Variants in MYT1L observed in about 807,000 individuals in gnomAD.
MYT1L encodes the protein myelin transcription factor 1-like protein.
A neutral mutation model predicts 126.7 loss-of-function variants in MYT1L; 12 were observed. The ratio of observed to expected loss-of-function variants is 0.09; its 90% CI spans 0.06 to 0.15. The LOEUF (loss-of-function observed/expected upper bound fraction) is 0.15, where lower values mean the gene tolerates loss of function less well. Ranked by LOEUF, MYT1L falls within the 10% of genes least tolerant of loss-of-function variation. The pLI, the probability that MYT1L is intolerant of heterozygous loss-of-function variation, is 1.00. For synonymous variants in MYT1L, 541 were observed against 604.2 expected, an observed-to-expected ratio of 0.90 and a Z score of 1.53; for missense variants, 979 against 1,585.2, an observed-to-expected ratio of 0.62 and a Z score of 6.49.
intron 19 of MYT1L, among the ~76,000 whole-genome samples, chr2:1,846,658 G>A (rs2042535875): frequency 1.3e-5 from 2 of 152,224 alleles, no homozygotes; most frequent in East Asian, 1.9e-4. Flanking sequence ...GGCCAAAGTG[G>A]TGCTAGGGTG....
chr2:1,994,220 G>A (rs183914907), intron 5 of MYT1L, among the ~76,000 whole-genome samples: 6 of 152,270 alleles, frequency 3.9e-5, no homozygotes, highest in East Asian at 1.9e-4. Flanking sequence ...AGCCCCTGAC[G>A]GGCCTGTTCC....
intron 2 of MYT1L, among the ~76,000 whole-genome samples, chr2:2,219,239 C>T (rs900039830): frequency 6.6e-6 from 1 of 152,138 alleles, no homozygotes; most frequent in African/African-American, 2.4e-5. Context: ...TCCATTTAGT[C>T]AACGGCTAAT....
Position 2,178,129 on chromosome 2 carries a change from C to G in MYT1L, c.-420-5141G>C, listed in dbSNP as rs1397457934. 2.0e-4 allele frequency among the ~76,000 whole-genome samples: 31 copies of G among 151,786 alleles called. 1 individual carries two copies. The highest frequency in any genetic ancestry group is 2.0e-3 in the Admixed American group (31 of 15,224). On this transcript the variant is annotated intron_variant, in intron 2 of 24. Coordinates refer to ENST00000647738, the MANE Select transcript of MYT1L (RefSeq NM_001303052.2). The stretch of plus-strand genomic sequence containing the variant: ...ATTTACTTGATTGCCAAAGAAAATC[C>G]ATGTAACATTTATGTAACAAAATAA...
chr2:2,002,182 C>T (rs950625898), intron 4 of MYT1L, among the ~76,000 whole-genome samples: 5 of 152,142 alleles, frequency 3.3e-5, no homozygotes, highest in African/African-American at 4.8e-5. Context: ...ATTGTGGCCA[C>T]AGTTGGAGAA....
intron 21 of MYT1L, 67 bp from the exon 22 acceptor site, chr2:1,809,234 G>A: frequency 2.1e-6 from 3 of 1,437,734 alleles, no homozygotes; most frequent in Admixed American, 3.3e-5. Flanking sequence ...GGGAAGTGGT[G>A]GTAAGCAAGG....
intron 8 of MYT1L, among the ~76,000 whole-genome samples, chr2:1,972,112 C>T (rs1056251303): frequency 8.5e-5 from 13 of 152,114 alleles, no homozygotes; most frequent in South Asian, 2.1e-4. Context: ...TTTATTCTCA[C>T]GGATTCATGG....
At chr2:1,850,887 A>G (rs2043184788) in intron 19 of MYT1L, among the ~76,000 whole-genome samples, 1 of 152,088 alleles carries the variant, frequency 6.6e-6, no homozygotes, top group South Asian at 2.1e-4. Flanking sequence ...TTAGGGTTTG[A>G]GCTGAGTCCA....
chr2:2,197,674 AAC>A (rs980641062), intron 2 of MYT1L, among the ~76,000 whole-genome samples: 41 of 148,320 alleles, frequency 2.8e-4, no homozygotes, highest in African/African-American at 9.5e-4. Context: ...ATATAATATA[AAC>A]ACATGTATAC....
chr2:1,904,887 G>A (rs1382804917), intron 13 of MYT1L, among the ~76,000 whole-genome samples: 22 of 151,254 alleles, frequency 1.5e-4, no homozygotes, highest in Admixed American at 2.6e-4. Context: ...TCTGCCTCCC[G>A]GGTTTACACC....
chr2:2,282,575 C>T (rs1231280541), intron 2 of MYT1L, among the ~76,000 whole-genome samples: 1 of 152,136 alleles, frequency 6.6e-6, no homozygotes, highest in Non-Finnish European at 1.5e-5. Context: ...TTGAGTCAAG[C>T]AATTCTACTG....
At chr2:2,076,365 GC>G (rs1478329906) in intron 3 of MYT1L, among the ~76,000 whole-genome samples, 2 of 152,162 alleles carry the variant, frequency 1.3e-5, no homozygotes, top group African/African-American at 4.8e-5. Flanking sequence ...TTAAGGCAAC[GC>G]CTTCTCACAT....
chr2:2,182,736 G>A (rs116913091), intron 2 of MYT1L, among the ~76,000 whole-genome samples: 1 of 152,308 alleles, frequency 6.6e-6, no homozygotes, highest in East Asian at 1.9e-4. Context: ...TTTTGGGGAA[G>A]GAGCAGTGGT....
intron 4 of MYT1L, among the ~76,000 whole-genome samples, chr2:2,021,035 A>G (rs2149827257): frequency 6.6e-6 from 1 of 152,286 alleles, no homozygotes; most frequent in South Asian, 2.1e-4. Context: ...TTAGTAAGTG[A>G]CGATGGGCAG....
intron 2 of MYT1L, among the ~76,000 whole-genome samples, chr2:2,260,358 G>A (rs868834701): frequency 4.6e-5 from 7 of 152,154 alleles, no homozygotes; most frequent in Non-Finnish European, 7.4e-5. Context: ...TACAGACTTC[G>A]TGCCTATTAT....
intron 1 of MYT1L, among the ~76,000 whole-genome samples, chr2:2,302,895 A>G (rs752843506): frequency 1.6e-4 from 25 of 152,190 alleles, no homozygotes; most frequent in Non-Finnish European, 3.2e-4. Flanking sequence ...TTTGGCTTTT[A>G]GTACTATTTG....
intron 3 of MYT1L, among the ~76,000 whole-genome samples, chr2:2,149,414 G>A (rs1326578579): frequency 6.6e-6 from 1 of 152,212 alleles, no homozygotes; most frequent in African/African-American, 2.4e-5. Flanking sequence ...ACAATTGCAT[G>A]AGGCACAAAT....
At chr2:1,883,149 G>A (rs367657636) in intron 18 of MYT1L, among the ~76,000 whole-genome samples, 1 of 152,170 alleles carries the variant, frequency 6.6e-6, no homozygotes, top group African/African-American at 2.4e-5. Flanking sequence ...TTACACTAAT[G>A]TCGGGACTCG....
At chr2:1,916,054 G>A (rs981746350) in intron 11 of MYT1L, among the ~76,000 whole-genome samples, 10 of 152,136 alleles carry the variant, frequency 6.6e-5, no homozygotes, top group Non-Finnish European at 8.8e-5. Flanking sequence ...GGAGCCACTC[G>A]CTCTGATTTG....
intron 2 of MYT1L, among the ~76,000 whole-genome samples, chr2:2,185,388 G>A (rs1482633891): frequency 6.6e-6 from 1 of 152,228 alleles, no homozygotes. Flanking sequence ...CACAAATTGT[G>A]TGGCGTGCAA....
Sources: allele counts gnomAD v4.1 joint callset (sites outside exome capture counted in the v4.1 genomes callset), GRCh38; gene constraint gnomAD v4.1.1; transcripts MANE v1.5; gene names NCBI Gene and HGNC (gene_info 2026-07-23, HGNC 2026-07-21).